Variants in GNAZ observed in about 807,000 individuals in gnomAD.
GNAZ encodes G protein subunit alpha z.
GNAZ carries 3 observed loss-of-function variants against 25.4 expected under a neutral mutation model. The ratio of observed to expected loss-of-function variants is 0.12; its 90% confidence interval spans 0.05 to 0.30. The LOEUF (loss-of-function observed/expected upper bound fraction) is 0.30. Among genes scored for constraint, GNAZ ranks in the 10% least tolerant of loss-of-function variants. GNAZ has a pLI of 1.00. For synonymous variants in GNAZ, 211 were observed against 205.7 expected, an observed-to-expected ratio of 1.03 and a Z score of -0.22; for missense variants, 241 against 501.8, an observed-to-expected ratio of 0.48 and a Z score of 4.97.
chr22:23,078,071 T>A (rs1375507619), intron 1 of GNAZ, among the ~76,000 whole-genome samples: 1 of 152,206 alleles, frequency 6.6e-6, no homozygotes, highest in Non-Finnish European at 1.5e-5. Flanking sequence ...CCTGTGGCCC[T>A]GTAGAGTGGC....
intron 2 of GNAZ, among the ~76,000 whole-genome samples, chr22:23,107,192 C>T (rs979288938): frequency 6.6e-6 from 1 of 152,162 alleles, no homozygotes; most frequent in Non-Finnish European, 1.5e-5. Flanking sequence ...GGCATAGTTG[C>T]AGGGGGGAGG....
At chr22:23,090,184 CA>C (rs1405407306) in intron 1 of GNAZ, among the ~76,000 whole-genome samples, 50 of 152,242 alleles carry the variant, frequency 3.3e-4, no homozygotes, top group African/African-American at 9.1e-4. Context: ...GGACAGCTGA[CA>C]GTCCCCCTTT....
intron 2 of GNAZ, among the ~76,000 whole-genome samples, chr22:23,121,879 G>A (rs2070039020): frequency 6.6e-6 from 1 of 151,802 alleles, no homozygotes; most frequent in Non-Finnish European, 1.5e-5. Flanking sequence ...CTGCCACCAT[G>A]CCCAGCTAAT....
intron 2 of GNAZ, among the ~76,000 whole-genome samples, chr22:23,109,961 A>T (rs2069599928): frequency 6.6e-6 from 1 of 152,198 alleles, no homozygotes; most frequent in Non-Finnish European, 1.5e-5. Context: ...ACAGGAGCTC[A>T]CTGAGTCATT....
chr22:23,115,580 G>C (rs941388820), intron 2 of GNAZ, among the ~76,000 whole-genome samples: 1 of 152,134 alleles, frequency 6.6e-6, no homozygotes, highest in African/African-American at 2.4e-5. Context: ...CCTAGAACAG[G>C]AAGGTGGGGT....
Position 23,123,422 on chromosome 22 carries a change from C to T in GNAZ, c.1059C>T (p.Gly353=). 1 of 1,609,510 alleles carries T rather than the reference C, an allele frequency of 6.2e-7. No individual in the cohort carries two copies. Among genetic ancestry groups the T allele is most frequent in the Non-Finnish European group, 8.5e-7 (1 of 1,176,320 alleles). Residue 353 remains glycine (G), a synonymous_variant, in exon 3 of 3, where the codon GGC becomes GGT. Transcript: ENST00000615612. ...VIIQNNLKYI[G]LC ...TACAGAACAATCTCAAGTACATTGG[C>T]CTTTGCTGAGGAGCTGGGCCCGGGG...
At chr22:23,109,287 G>A (rs549949518) in intron 2 of GNAZ, among the ~76,000 whole-genome samples, 70 of 150,624 alleles carry the variant, frequency 4.6e-4, no homozygotes, top group African/African-American at 1.3e-3. Flanking sequence ...CCAAAGCCAC[G>A]GAGCCAGCCC....
At chr22:23,108,493 G>T (rs548507564) in intron 2 of GNAZ, among the ~76,000 whole-genome samples, 1 of 152,030 alleles carries the variant, frequency 6.6e-6, no homozygotes, top group Non-Finnish European at 1.5e-5. Context: ...GGAGACAGCC[G>T]GGAGAGGCCT....
chr22:23,124,632 G>A lies in GNAZ; in HGVS notation c.*1201G>A, dbSNP rs2070127890. 4.6e-6 allele frequency: 1 copy of A among 219,508 alleles called. No homozygotes were observed. The highest frequency in any genetic ancestry group is 4.4e-5 in the South Asian group (1 of 22,566). The allele number at this position is 219,508 out of a possible 1,614,324, so 13.6% of individuals were successfully genotyped here. On this transcript the variant is annotated 3_prime_UTR_variant, in exon 3 of 3. Coordinates refer to ENST00000615612, the MANE Select transcript of GNAZ (RefSeq NM_002073.4). ...TTTGTGGCTTTGCTGAGTGAAGGAA[G>A]GGGAGCAAGGGGTGGTGCCCCTGGT...
chr22:23,072,074 A>G (rs2068393846), intron 1 of GNAZ, among the ~76,000 whole-genome samples: 1 of 152,042 alleles, frequency 6.6e-6, no homozygotes, highest in African/African-American at 2.4e-5. Context: ...CCTGGAGAAG[A>G]GCTAGCTTTA....
intron 2 of GNAZ, among the ~76,000 whole-genome samples, chr22:23,114,244 C>T (rs1419067443): frequency 2.0e-5 from 3 of 152,206 alleles, no homozygotes; most frequent in Non-Finnish European, 2.9e-5. Context: ...GCTCTGCTCT[C>T]GGCGTGAAAA....
intron 1 of GNAZ, among the ~76,000 whole-genome samples, chr22:23,084,046 G>A (rs1462821343): frequency 6.6e-6 from 1 of 152,156 alleles, no homozygotes; most frequent in Non-Finnish European, 1.5e-5. Flanking sequence ...AGGAGGGAGG[G>A]GTGAGCTATG....
intron 1 of GNAZ, among the ~76,000 whole-genome samples, chr22:23,072,428 G>A (rs182905204): frequency 2.4e-4 from 36 of 152,298 alleles, no homozygotes; most frequent in Non-Finnish European, 3.8e-4. Flanking sequence ...TCTAACTGAC[G>A]TTGATTTTCT....
intron 2 of GNAZ, among the ~76,000 whole-genome samples, chr22:23,112,903 T>C (rs972658562): frequency 6.6e-6 from 1 of 152,090 alleles, no homozygotes; most frequent in Non-Finnish European, 1.5e-5. Context: ...TGGGCAGAGC[T>C]ACCCCATGCT....
intron 1 of GNAZ, among the ~76,000 whole-genome samples, chr22:23,084,109 C>T (rs1183185695): frequency 2.0e-5 from 3 of 152,158 alleles, no homozygotes; most frequent in African/African-American, 7.2e-5. Context: ...TGTCCCTACC[C>T]ATGTCCAGTG....
In GNAZ at chr22:23,081,035, C is replaced by T. The variant is rs796138538; in HGVS notation, c.-450+10465C>T. Reference sequence around the variant, plus strand: ...TTGTGCCAGTTGTACTCATTGTAATCACAGCCTGGAATACTGTGTAAACTG... The same window carrying T: ...TTGTGCCAGTTGTACTCATTGTAATTACAGCCTGGAATACTGTGTAAACTG... On this transcript the variant is annotated intron_variant, in intron 1 of 2. Transcript: ENST00000615612. 2.0e-5 allele frequency among the ~76,000 whole-genome samples: 3 copies of T among 152,192 alleles called. No homozygotes were observed. The South Asian group carries it at 6.2e-4, about 32-fold the overall frequency.
intron 2 of GNAZ, among the ~76,000 whole-genome samples, chr22:23,103,025 C>A (rs2069350346): frequency 1.3e-5 from 2 of 152,158 alleles, no homozygotes; most frequent in African/African-American, 4.8e-5. Flanking sequence ...CAAGAGAGTT[C>A]TCTTCGGCAC....
Position 23,111,364 on chromosome 22 carries a change from G to T in GNAZ, c.724-11723G>T, listed in dbSNP as rs114361700. ...CCCAGGCCAGGGGAGAGAGGCAAGC[G>T]CACTGGACTCGGTTCCGCCTAGTGG... On this transcript the variant is annotated intron_variant, in intron 2 of 2. Coordinates refer to ENST00000615612, the MANE Select transcript of GNAZ (RefSeq NM_002073.4). Among the ~76,000 whole-genome samples, 1,286 of 152,342 alleles carry T rather than the reference G, an allele frequency of 8.4e-3. 17 individuals carry two copies. The highest frequency in any genetic ancestry group is 0.029 in the African/African-American group (1,224 of 41,566).
chr22:23,084,423 G>A (rs1289311070), intron 1 of GNAZ, among the ~76,000 whole-genome samples: 2 of 152,166 alleles, frequency 1.3e-5, no homozygotes, highest in Non-Finnish European at 2.9e-5. Context: ...AAGCTGTGAG[G>A]TTCAGCAGGT....
Sources: gnomAD v4.1 joint callset for allele counts (sites outside exome capture counted in the v4.1 genomes callset) on GRCh38, gnomAD v4.1.1 for gene constraint, MANE v1.5 for transcripts, NCBI Gene and HGNC (gene_info 2026-07-23, HGNC 2026-07-21) for gene names.